NEDD4L: variants seen among roughly 807,000 people sequenced by gnomAD.
NEDD4L encodes the protein E3 ubiquitin-protein ligase NEDD4-like.
NEDD4L carries 54 observed loss-of-function variants against 148.9 expected under a neutral mutation model. That is an observed-to-expected ratio of 0.36 (90% CI 0.29 to 0.45). The LOEUF (loss-of-function observed/expected upper bound fraction) is 0.45. Among genes scored for constraint, NEDD4L ranks in the 20% least tolerant of loss-of-function variants. The pLI, the probability that NEDD4L is intolerant of heterozygous loss-of-function variation, is 1.00. For missense variants in NEDD4L, 856 were observed against 1,233.8 expected, an observed-to-expected ratio of 0.69 and a Z score of 4.59; for synonymous variants, 433 against 440.7, an observed-to-expected ratio of 0.98 and a Z score of 0.22.
chr18:58,368,684 C>G (rs1212408787), intron 22 of NEDD4L, among the ~76,000 whole-genome samples: 1 of 152,166 alleles, frequency 6.6e-6, no homozygotes, highest in African/African-American at 2.4e-5. Flanking sequence ...TTTGTATACC[C>G]TCTGTACTTT....
intron 2 of NEDD4L, among the ~76,000 whole-genome samples, chr18:58,200,193 A>G (rs1287809307): frequency 6.6e-6 from 1 of 152,232 alleles, no homozygotes. Context: ...ATAATTTTGA[A>G]CCATTTCAAA....
intron 5 of NEDD4L, among the ~76,000 whole-genome samples, chr18:58,261,898 AAGC>A (rs1164495764): frequency 2.0e-5 from 3 of 152,188 alleles, no homozygotes; most frequent in Non-Finnish European, 4.4e-5. Flanking sequence ...GAATGGGAAA[AAGC>A]AGGAAATTCA....
intron 5 of NEDD4L, among the ~76,000 whole-genome samples, chr18:58,281,080 C>T (rs1452826072): frequency 1.3e-5 from 2 of 152,104 alleles, no homozygotes; most frequent in East Asian, 1.9e-4. Flanking sequence ...TGGGCTCAAG[C>T]GATCCTCCCG....
chr18:58,075,243 G>C (rs566282006), intron 1 of NEDD4L, among the ~76,000 whole-genome samples: 1 of 152,100 alleles, frequency 6.6e-6, no homozygotes, highest in African/African-American at 2.4e-5. Context: ...TCGCCTCCTG[G>C]ATGTTCAAAC....
intron 5 of NEDD4L, among the ~76,000 whole-genome samples, chr18:58,305,889 A>G (rs1232655182): frequency 6.6e-6 from 1 of 152,140 alleles, no homozygotes; most frequent in East Asian, 1.9e-4. Context: ...AGCTTTAACT[A>G]CTTAGAAGTT....
At chr18:58,267,695 G>C (rs2050416312) in intron 5 of NEDD4L, among the ~76,000 whole-genome samples, 1 of 151,998 alleles carries the variant, frequency 6.6e-6, no homozygotes, top group Admixed American at 6.5e-5. Flanking sequence ...GTTATTTCAA[G>C]ATGCTTTCTG....
At chr18:58,045,129 CGGA>C in intron 1 of NEDD4L, 2 of 399,138 alleles carry the variant, frequency 5.0e-6, no homozygotes, top group Non-Finnish European at 8.8e-6. Flanking sequence ...CCCGGGACTG[CGGA>C]GAAGCCGGAT....
rs1176129020 is a variant in NEDD4L at position 58,044,702 on chromosome 18, A to G, written c.42A>G (p.Glu14=). Residue 14 remains glutamate (E), a synonymous_variant, in exon 1 of 31, where the codon GAA becomes GAG. Coordinates refer to ENST00000400345, the MANE Select transcript of NEDD4L (RefSeq NM_001144967.3). ...GLGEPVYGLS[E]DEGESRILRV... ...GGGAGCCGGTCTATGGACTTTCCGA[A>G]GACGAGGTGAGTGGCACCCCCTTCC... 8.1e-6 allele frequency: 13 copies of G among 1,606,816 alleles called. No individual in the cohort carries two copies. The highest frequency in any genetic ancestry group is 1.1e-5 in the Non-Finnish European group (13 of 1,176,718).
chr18:58,079,185 A>G (rs2083316535), intron 1 of NEDD4L, among the ~76,000 whole-genome samples: 2 of 152,134 alleles, frequency 1.3e-5, no homozygotes, highest in South Asian at 2.1e-4. Context: ...ATTACGATGT[A>G]TCCTTGGGCA....
In NEDD4L at chr18:58,341,800, G is replaced by A. The variant is rs1183143281; in HGVS notation, c.1377+3G>A. On this transcript the variant is annotated splice_donor_region_variant and intron_variant, in intron 15 of 30. Coordinates refer to ENST00000400345, the MANE Select transcript of NEDD4L (RefSeq NM_001144967.3). The stretch of plus-strand genomic sequence containing the variant: ...TAACTTTATCTGCCCCGCTGGAGGT[G>A]AGACGGCTACCTCATCTAACTGGAC... 6.2e-7 allele frequency: 1 copy of A among 1,611,706 alleles called. No individual in the cohort carries two copies. Among genetic ancestry groups the A allele is most frequent in the Non-Finnish European group, 8.5e-7 (1 of 1,179,022 alleles).
At chr18:58,326,083 T>G (rs2059284104) in intron 9 of NEDD4L, among the ~76,000 whole-genome samples, 1 of 152,220 alleles carries the variant, frequency 6.6e-6, no homozygotes, top group Non-Finnish European at 1.5e-5. Flanking sequence ...TGATACATTT[T>G]AGACAACAAG....
At chr18:58,363,717 G>A (rs148133433) in intron 19 of NEDD4L, among the ~76,000 whole-genome samples, 1 of 152,248 alleles carries the variant, frequency 6.6e-6, no homozygotes, top group East Asian at 1.9e-4. Context: ...TAAATATTAA[G>A]GGACAAACCT....
At chr18:58,067,106 G>A (rs1452848496) in intron 1 of NEDD4L, among the ~76,000 whole-genome samples, 1 of 152,134 alleles carries the variant, frequency 6.6e-6, no homozygotes, top group Non-Finnish European at 1.5e-5. Flanking sequence ...AATGAGTTTT[G>A]ATTTTTGCCG....
chr18:58,181,935 A>AT (rs369271536), intron 2 of NEDD4L, among the ~76,000 whole-genome samples: 312 of 149,152 alleles, frequency 2.1e-3, no homozygotes, highest in Middle Eastern at 6.9e-3. Context: ...TCTTTAACAC[A>AT]TTTTTTTTTT....
intron 1 of NEDD4L, among the ~76,000 whole-genome samples, chr18:58,163,079 A>G (rs1599251737): frequency 6.6e-6 from 1 of 151,562 alleles, no homozygotes; most frequent in South Asian, 2.1e-4. Context: ...AAAGAAAAAA[A>G]AAAAAGAAAT....
intron 2 of NEDD4L, chr18:58,195,644 G>A: frequency 7.4e-7 from 1 of 1,351,352 alleles, no homozygotes; most frequent in Non-Finnish European, 9.8e-7. Flanking sequence ...CGCCGCCGTT[G>A]CTGTTGTTAG....
At position 58,342,981 on chromosome 18, in the gene NEDD4L, T is replaced by C. The variant is rs1172516695; in HGVS notation, c.1453T>C (p.Tyr485His). Residue 485 changes from tyrosine to histidine, a missense_variant, in exon 16 of 31, where the codon TAC becomes CAC. Physicochemically the swap from Tyr to His is moderately conservative, Grantham distance 83. Coordinates refer to ENST00000400345, the MANE Select transcript of NEDD4L (RefSeq NM_001144967.3). ...CCCACAGTCCCCACAGCCATCACCT[T>C]ACAACTCCCCCAAACCACAACACAA... is the stretch of plus-strand genomic sequence containing the variant. Reference protein sequence around the residue: ...SNPQSPQPSPYNSPKPQHKVT... With the variant: ...SNPQSPQPSPHNSPKPQHKVT... 6.2e-7 allele frequency: 1 copy of C among 1,613,890 alleles called. No homozygotes were observed. Among genetic ancestry groups the C allele is most frequent in the Admixed American group, 1.7e-5 (1 of 60,008 alleles).
chr18:58,108,570 G>A (rs1406538538), intron 1 of NEDD4L, among the ~76,000 whole-genome samples: 1 of 152,092 alleles, frequency 6.6e-6, no homozygotes, highest in African/African-American at 2.4e-5. Flanking sequence ...TTAGGCATCC[G>A]CCACCACGCC....
intron 2 of NEDD4L, among the ~76,000 whole-genome samples, chr18:58,240,835 T>TATGTATG (rs2046546532): frequency 2.2e-5 from 2 of 88,960 alleles, no homozygotes; most frequent in Admixed American, 1.1e-4. Flanking sequence ...ATGTATGTAT[T>TATGTATG]TAGAGACAGA....
Sources: gnomAD v4.1 joint callset for allele counts (sites outside exome capture counted in the v4.1 genomes callset) on GRCh38, gnomAD v4.1.1 for gene constraint, MANE v1.5 for transcripts, NCBI Gene and HGNC (gene_info 2026-07-23, HGNC 2026-07-21) for gene names.